The following ATP12A variants were observed in gnomAD, a reference collection of about 807,000 sequenced individuals.
ATP12A encodes the protein potassium-transporting ATPase alpha chain 2.
A neutral mutation model predicts 111.2 loss-of-function variants in ATP12A; 81 were observed. The ratio of observed to expected loss-of-function variants is 0.73; its 90% confidence interval spans 0.61 to 0.88. The LOEUF (loss-of-function observed/expected upper bound fraction) is 0.88, where lower values mean the gene tolerates loss of function less well. Ranked by LOEUF, ATP12A falls within the 40% of genes least tolerant of loss-of-function variation. The pLI is 0.00. For missense variants in ATP12A, 1,196 were observed against 1,313.1 expected (o/e 0.91, Z 1.38); for synonymous variants, 498 against 499.8 (o/e 1.00, Z 0.05).
chr13:24,705,349 G>A (rs1042261457), intron 14 of ATP12A, among the ~76,000 whole-genome samples: 5 of 152,208 alleles, frequency 3.3e-5, no homozygotes, highest in Non-Finnish European at 4.4e-5. Flanking sequence ...GCTTGACAAC[G>A]CAGGCCCCAC....
At chr13:24,696,718 CAAAAAAA>C (rs1199522203) in intron 11 of ATP12A, among the ~76,000 whole-genome samples, 4 of 33,034 alleles carry the variant, frequency 1.2e-4, no homozygotes, top group South Asian at 2.8e-3. Flanking sequence ...GACTCCGTCT[CAAAAAAA>C]AAAAAAAAAA....
chr13:24,688,910 T>C (rs1399428642), intron 4 of ATP12A, among the ~76,000 whole-genome samples: 2 of 152,004 alleles, frequency 1.3e-5, no homozygotes, highest in Non-Finnish European at 2.9e-5. Flanking sequence ...CTACATGTCA[T>C]AGGATTGGAT....
At chr13:24,692,388 A>G (rs930735107) in intron 8 of ATP12A, 41 bp from the exon 9 acceptor site, 3 of 1,596,492 alleles carry the variant, frequency 1.9e-6, no homozygotes, top group African/African-American at 2.7e-5. Flanking sequence ...CCTGAGTTCA[A>G]ATGAGGATTT....
intron 19 of ATP12A, among the ~76,000 whole-genome samples, chr13:24,710,197 G>C (rs571104916): frequency 3.8e-4 from 58 of 152,308 alleles, no homozygotes; most frequent in African/African-American, 1.3e-3. Flanking sequence ...TTGAGCCCAG[G>C]AGTTTGAGAC....
chr13:24,709,279 G>GGCCCCCCCCCCCC, intron 17 of ATP12A, 85 bp from the exon 18 acceptor site: 1 of 211,220 alleles, frequency 4.7e-6, no homozygotes, highest in Non-Finnish European at 9.1e-6. Context: ...TCCAGCCAGT[G>GGCCCCCCCCCCCC]CCCCACCCAC....
chr13:24,681,767 CG>C (rs774857215), intron 2 of ATP12A, 47 bp downstream of exon 2: 2 of 1,609,974 alleles, frequency 1.2e-6, no homozygotes, highest in African/African-American at 2.7e-5. Context: ...GGCCCTTCCC[CG>C]CAAGAGCTTG....
Position 24,707,184 on chromosome 13 carries a change from G to A in ATP12A, c.2331G>A (p.Val777=), listed in dbSNP as rs112262352. 5.0e-6 allele frequency: 8 copies of A among 1,613,686 alleles called. No homozygotes were observed. Among genetic ancestry groups the A allele is most frequent in the African/African-American group, 4.0e-5 (3 of 75,044 alleles). ...DDNFASIVTG[V]EEGRLIFDNL... ...ACTTCGCATCCATCGTCACAGGGGTGGAGGAAGGTGAGTGAGTCTCAGGGG... is the reference window on the plus strand; with the variant it reads ...ACTTCGCATCCATCGTCACAGGGGTAGAGGAAGGTGAGTGAGTCTCAGGGG... Residue 777 remains valine (V), a synonymous_variant, in exon 16 of 23, where the codon GTG becomes GTA. Coordinates refer to ENST00000381946, the MANE Select transcript of ATP12A (RefSeq NM_001676.7).
chr13:24,693,162 A>C (rs1266063822), intron 10 of ATP12A, among the ~76,000 whole-genome samples: 1 of 152,222 alleles, frequency 6.6e-6, no homozygotes, highest in Non-Finnish European at 1.5e-5. Context: ...TACTTTCCTG[A>C]CTTTTCTGCC....
In ATP12A at chr13:24,691,020, A is replaced by G; in HGVS notation, c.838A>G (p.Thr280Ala). 1.2e-6 allele frequency: 2 copies of G among 1,614,174 alleles called. No homozygotes were observed. The highest frequency in any genetic ancestry group is 1.7e-6 in the Non-Finnish European group (2 of 1,180,016). The part of the protein sequence containing the change: ...TGMVINTGDR[T>A]IIGHIASLAS... ...CATGGTTATCAACACGGGTGACCGC[A>G]CCATCATTGGCCATATTGCCTCATT... Residue 280 changes from threonine to alanine, a missense_variant, in exon 8 of 23, where the codon ACC becomes GCC. Thr to Ala is a moderately conservative substitution (Grantham distance 58). Around this residue, in one of 3 missense-constraint regions of ATP12A, gnomAD observed 1,126 missense variants for 1,228.5 expected, o/e 0.92. Transcript: ENST00000381946.
chr13:24,691,967 A>T (rs1874923875), intron 8 of ATP12A, among the ~76,000 whole-genome samples: 1 of 152,210 alleles, frequency 6.6e-6, no homozygotes. Context: ...GTTTAAAAGA[A>T]TCTTTAAAAT....
chr13:24,700,036 T>C (rs1875325261), intron 12 of ATP12A, among the ~76,000 whole-genome samples: 1 of 152,166 alleles, frequency 6.6e-6, no homozygotes, highest in Non-Finnish European at 1.5e-5. Flanking sequence ...CCTGCTCCAT[T>C]GACATTTGCA....
Position 24,690,710 on chromosome 13 carries a change from C to T in ATP12A, c.788C>T (p.Thr263Met), listed in dbSNP as rs772248715. ...ETKNICFYSTTCLEGTVTGMV... is the reference protein window; with the variant it reads ...ETKNICFYSTMCLEGTVTGMV... ...AAGAACATCTGCTTCTATTCCACAA[C>T]GTGTCTGGAAGGTAAAAGGCCTCTG... The change falls in exon 7 of 23, where the codon ACG (threonine) becomes ATG (methionine). Residue 263 changes from threonine (T) to methionine (M), a missense_variant. Transcript: ENST00000381946. 81 of 1,613,254 alleles carry T rather than the reference C, an allele frequency of 5.0e-5. No homozygotes were observed. The highest frequency in any genetic ancestry group is 3.8e-4 in the Admixed American group (23 of 59,916).
chr13:24,706,286 T>C, intron 14 of ATP12A, 27 bp from the exon 15 acceptor site: 1 of 1,610,734 alleles, frequency 6.2e-7, no homozygotes, highest in Non-Finnish European at 8.5e-7. Context: ...CCCTTGGGCC[T>C]CACCCAGTTT....
intron 13 of ATP12A, among the ~76,000 whole-genome samples, chr13:24,701,478 G>A (rs1478303544): frequency 7.0e-6 from 1 of 141,900 alleles, no homozygotes; most frequent in Non-Finnish European, 1.5e-5. Flanking sequence ...TCCAGCTTGG[G>A]CAACAAGAGT....
rs562323200 is a variant in ATP12A at position 24,698,404 on chromosome 13, C to T, written c.1513-254C>T. 1.4e-4 allele frequency among the ~76,000 whole-genome samples: 22 copies of T among 152,228 alleles called. No individual in the cohort carries two copies. The East Asian group carries it at 1.9e-3, about 13-fold the overall frequency. On this transcript the variant is annotated intron_variant, in intron 11 of 22. Coordinates refer to ENST00000381946, the MANE Select transcript of ATP12A (RefSeq NM_001676.7). Reference sequence around the variant, plus strand: ...CAAGGCACAAGATTTCACACGCTGACGGCCACAACTAGCCTGCCTAAAGCA... The same window carrying T: ...CAAGGCACAAGATTTCACACGCTGATGGCCACAACTAGCCTGCCTAAAGCA...
intron 13 of ATP12A, among the ~76,000 whole-genome samples, 194 bp downstream of exon 13, chr13:24,701,116 A>G (rs1875375162): frequency 1.3e-5 from 2 of 152,242 alleles, no homozygotes; most frequent in Non-Finnish European, 2.9e-5. Flanking sequence ...TCTATGTGGA[A>G]TGAACCACAT....
intron 21 of ATP12A, among the ~76,000 whole-genome samples, 171 bp from the exon 22 acceptor site, chr13:24,711,147 A>C (rs1251301577): frequency 6.6e-6 from 1 of 152,244 alleles, no homozygotes; most frequent in Non-Finnish European, 1.5e-5. Context: ...TCTAGCAGTC[A>C]CAGTGCAGGT....
At position 24,701,765 on chromosome 13, in the gene ATP12A, T is replaced by G. The variant is rs368346251; in HGVS notation, c.1882-170T>G. The stretch of plus-strand genomic sequence containing the variant: ...AGCTTAGGAGCAAGGGTAGACCCAA[T>G]GGGATTAGTGTTTCCTCCAAAGACA... On this transcript the variant is annotated intron_variant, in intron 13 of 22. Coordinates refer to ENST00000381946, the MANE Select transcript of ATP12A (RefSeq NM_001676.7). Among the ~76,000 whole-genome samples, 3 of 152,182 alleles carry G rather than the reference T, an allele frequency of 2.0e-5. No homozygotes were observed. The East Asian group carries it at 5.8e-4, about 29-fold the overall frequency.
Position 24,706,320 on chromosome 13 carries a change from A to G in ATP12A, c.2026A>G (p.Lys676Glu), listed in dbSNP as rs142075579. The change falls in exon 15 of 23, where the codon AAG (lysine) becomes GAG (glutamate). Residue 676 changes from lysine to glutamate, a missense_variant. Transcript: ENST00000381946. The stretch of plus-strand genomic sequence containing the variant: ...TTCTTCTGGCCCTTCTAGGGATGCC[A>G]AGGCCGCTGTGGTGACTGGCATGGA... ...AVEQVNKRDA[K>E]AAVVTGMELK... 9 of 1,613,874 alleles carry G rather than the reference A, an allele frequency of 5.6e-6. No homozygotes were observed. The Admixed American group carries it at 6.7e-5, about 12-fold the overall frequency.
Sources: allele counts gnomAD v4.1 joint callset (sites outside exome capture counted in the v4.1 genomes callset), GRCh38; gene constraint gnomAD v4.1.1; regional missense constraint gnomAD v4.1.1; transcripts MANE v1.5; gene names NCBI Gene and HGNC (gene_info 2026-07-23, HGNC 2026-07-21).